PCDHA6: variants seen among roughly 807,000 people sequenced by gnomAD.
PCDHA6 encodes the protein protocadherin alpha 6.
In PCDHA6, 55 loss-of-function variants were observed where a neutral mutation model predicts 60.3. The ratio of observed to expected loss-of-function variants is 0.91; its 90% CI spans 0.73 to 1.14. The LOEUF is 1.14. PCDHA6 is among the 50% of genes most tolerant of loss of function. The pLI is 0.00. For synonymous variants in PCDHA6, 652 were observed against 557.9 expected, an observed-to-expected ratio of 1.17 and a Z score of -2.38; for missense variants, 1,327 against 1,256.5, an observed-to-expected ratio of 1.06 and a Z score of -0.85.
chr5:140,840,958 C>A (rs1776953520), intron 1 of PCDHA6, among the ~76,000 whole-genome samples: 1 of 152,042 alleles, frequency 6.6e-6, no homozygotes, highest in Admixed American at 6.5e-5. Context: ...GAAGAAATTC[C>A]TTTCCTTATG....
At chr5:141,006,950 T>G (rs1169196116) in intron 3 of PCDHA6, among the ~76,000 whole-genome samples, 1 of 152,148 alleles carries the variant, frequency 6.6e-6, no homozygotes, top group African/African-American at 2.4e-5. Flanking sequence ...AGATAGGCAG[T>G]TATACATGAG....
At position 140,842,891 on chromosome 5, in the gene PCDHA6, G is replaced by T. The variant is rs2150347390; in HGVS notation, c.2394+12406G>T. On this transcript the variant is annotated intron_variant, in intron 1 of 3. Transcript: ENST00000529310. ...CAAGGTGTACGCGCTGCAGCCGCTGGACCACGAGGAGCTAGAGCTGCTGCA... is the reference window on the plus strand; with the variant it reads ...CAAGGTGTACGCGCTGCAGCCGCTGTACCACGAGGAGCTAGAGCTGCTGCA... 1.1e-5 allele frequency: 18 copies of T among 1,594,150 alleles called. No homozygotes were observed. The Admixed American group carries it at 3.0e-4, about 27-fold the overall frequency.
At chr5:140,971,466 G>A (rs928383559) in intron 1 of PCDHA6, among the ~76,000 whole-genome samples, 2 of 152,144 alleles carry the variant, frequency 1.3e-5, no homozygotes, top group Non-Finnish European at 2.9e-5. Flanking sequence ...GCAGTTATAG[G>A]GAGAGAGTGT....
Position 140,829,749 on chromosome 5 carries a change from T to A in PCDHA6, c.1658T>A (p.Val553Glu). Residue 553 changes from valine (V) to glutamate (E), a missense_variant, in exon 1 of 4, where the codon GTG becomes GAG. Transcript: ENST00000529310. ...CTGGGCAGCAACGTGACGCTGCAGGTGTTCGTGCTGGACGAGAACGACAAC... is the reference window on the plus strand; with the variant it reads ...CTGGGCAGCAACGTGACGCTGCAGGAGTTCGTGCTGGACGAGAACGACAAC... The part of the protein sequence containing the change: ...PPLGSNVTLQ[V>E]FVLDENDNAP... The A allele has an allele frequency of 6.2e-7, 1 of 1,613,676 alleles. No individual in the cohort carries two copies. Among genetic ancestry groups the A allele is most frequent in the Non-Finnish European group, 8.5e-7 (1 of 1,179,872 alleles).
At position 140,966,655 on chromosome 5, in the gene PCDHA6, G is replaced by T. The variant is rs576875582; in HGVS notation, c.2395-12294G>T. The T allele has an allele frequency of 2.6e-5, 31 of 1,195,250 alleles. No homozygotes were observed. In the South Asian group the frequency reaches 4.0e-4, roughly 15 times the overall value. 74.0% of individuals were successfully genotyped at this position (1,195,250 alleles called of 1,614,324 possible). On this transcript the variant is annotated intron_variant, in intron 1 of 3. Coordinates refer to ENST00000529310, the MANE Select transcript of PCDHA6 (RefSeq NM_018909.4). ...AGGCGCTTTCTAGAGCGTGAGCGGT[G>T]GGGGAGCAGGCGCAGGGTGGCACGA...
At chr5:140,877,930 C>T (rs2057400413) in intron 1 of PCDHA6, 1 of 1,411,700 alleles carries the variant, frequency 7.1e-7, no homozygotes, top group East Asian at 2.5e-5. Flanking sequence ...CTTTATGATT[C>T]TATCCTTTAA....
intron 1 of PCDHA6, among the ~76,000 whole-genome samples, chr5:140,896,682 C>A (rs573518532): frequency 6.6e-6 from 1 of 152,124 alleles, no homozygotes; most frequent in African/African-American, 2.4e-5. Flanking sequence ...CGGCCCTTTG[C>A]CCATTTTTTG....
chr5:140,968,637 T>C, intron 1 of PCDHA6: 1 of 1,614,208 alleles, frequency 6.2e-7, no homozygotes. Flanking sequence ...TTTTACCATC[T>C]AGCCCAGACT....
intron 1 of PCDHA6, chr5:140,854,223 C>A: frequency 1.1e-5 from 7 of 631,586 alleles, no homozygotes; most frequent in Non-Finnish European, 1.2e-5. Flanking sequence ...TGGACATCTA[C>A]ATTGGGATAT....
chr5:140,841,675 T>C (rs2150320492), intron 1 of PCDHA6: 8 of 1,613,878 alleles, frequency 5.0e-6, no homozygotes, highest in East Asian at 2.2e-5. Context: ...AGGTTTTCCA[T>C]GTGGACGTGG....
rs1465099022 is a variant in PCDHA6 at position 140,850,419 on chromosome 5, G to T, written c.2394+19934G>T. 7.5e-6 allele frequency: 12 copies of T among 1,597,838 alleles called. 2 individuals carry two copies. Among genetic ancestry groups the T allele is most frequent in the Non-Finnish European group, 9.4e-6 (11 of 1,167,742 alleles). On this transcript the variant is annotated intron_variant, in intron 1 of 3. Coordinates refer to ENST00000529310, the MANE Select transcript of PCDHA6 (RefSeq NM_018909.4). ...AACGCGTGCCCTGGACGAAACGGAC[G>T]CACCGCGCCAGCGCCTACTGGTGCT...
chr5:140,925,585 A>T (rs1450626568), intron 1 of PCDHA6, among the ~76,000 whole-genome samples: 1 of 151,748 alleles, frequency 6.6e-6, no homozygotes, highest in Non-Finnish European at 1.5e-5. Flanking sequence ...AACATGGCGC[A>T]TGTATACATA....
intron 1 of PCDHA6, chr5:140,865,401 G>A (rs1011488006): frequency 6.6e-6 from 1 of 152,158 alleles, no homozygotes; most frequent in Non-Finnish European, 1.5e-5. Flanking sequence ...TATAAATGCT[G>A]AAAAGGAATT....
At chr5:140,984,631 T>C (rs1400847452) in intron 3 of PCDHA6, among the ~76,000 whole-genome samples, 1 of 152,192 alleles carries the variant, frequency 6.6e-6, no homozygotes, top group Non-Finnish European at 1.5e-5. Flanking sequence ...TTAAAGGGAT[T>C]CTCTGCCTTC....
intron 1 of PCDHA6, among the ~76,000 whole-genome samples, chr5:140,894,932 A>G (rs2064735231): frequency 6.6e-6 from 1 of 152,184 alleles, no homozygotes; most frequent in Non-Finnish European, 1.5e-5. Flanking sequence ...ATTTCTATTC[A>G]GCTATTGTCA....
rs1202247543 is a variant in PCDHA6, at chr5:140,858,682, T to A, written c.2394+28197T>A. On this transcript the variant is annotated intron_variant, in intron 1 of 3. Coordinates refer to ENST00000529310, the MANE Select transcript of PCDHA6 (RefSeq NM_018909.4). Reference sequence around the variant, plus strand: ...AAATAACAATTTATTCTGAATACACTAATATTTTCCAATACAAATATGTGA... The same window carrying A: ...AAATAACAATTTATTCTGAATACACAAATATTTTCCAATACAAATATGTGA... 35 of 617,258 alleles carry A rather than the reference T, an allele frequency of 5.7e-5. 1 individual carries two copies. The East Asian group carries it at 9.7e-4, about 17-fold the overall frequency. 38.2% of individuals were successfully genotyped at this position (617,258 alleles called of 1,614,324 possible).
At chr5:140,836,035 T>A in intron 1 of PCDHA6, 1 of 1,613,556 alleles carries the variant, frequency 6.2e-7, no homozygotes, top group East Asian at 2.2e-5. Context: ...AACGTGACGC[T>A]GCAGGTGTTC....
At chr5:140,834,120 A>C (rs2150213595) in intron 1 of PCDHA6, 5 of 433,160 alleles carry the variant, frequency 1.2e-5, no homozygotes, top group Non-Finnish European at 2.0e-5. Context: ...GTTTGAAATA[A>C]AACTTTTCAT....
chr5:140,876,787 G>A, intron 1 of PCDHA6: 1 of 1,614,228 alleles, frequency 6.2e-7, no homozygotes, highest in Non-Finnish European at 8.5e-7. Context: ...GTGGGCCACG[G>A]CTAGAGTGTC....
Sources: gnomAD v4.1 joint callset for allele counts (sites outside exome capture counted in the v4.1 genomes callset) on GRCh38, gnomAD v4.1.1 for gene constraint, MANE v1.5 for transcripts, NCBI Gene and HGNC (gene_info 2026-07-23, HGNC 2026-07-21) for gene names.